Variants in WDR45B observed in about 807,000 individuals in gnomAD.
WDR45B encodes WD repeat domain phosphoinositide-interacting protein 3.
WDR45B carries 20 observed loss-of-function variants against 44.6 expected under a neutral mutation model. That is an observed-to-expected ratio of 0.45 (90% CI 0.32 to 0.65). The LOEUF is 0.65. Among genes scored for constraint, WDR45B ranks in the 30% least tolerant of loss-of-function variants. WDR45B has a pLI of 0.05. For missense variants in WDR45B, 323 were observed against 430.2 expected, an observed-to-expected ratio of 0.75 and a Z score of 2.20; for synonymous variants, 169 against 164.9, an observed-to-expected ratio of 1.02 and a Z score of -0.19.
intron 2 of WDR45B, among the ~76,000 whole-genome samples, chr17:82,636,058 G>C (rs1286094588): frequency 1.3e-5 from 2 of 151,888 alleles, no homozygotes; most frequent in Non-Finnish European, 2.9e-5. Context: ...CTGCACTCTA[G>C]CCTGGGCAAC....
Position 82,616,449 on chromosome 17 carries a change from A to C in WDR45B, c.928+75T>G, listed in dbSNP as rs1347922064. The C allele has an allele frequency of 2.5e-5, 40 of 1,608,928 alleles. No individual in the cohort carries two copies. In the South Asian group the frequency reaches 4.3e-4, roughly 17 times the overall value. The stretch of plus-strand genomic sequence containing the variant: ...GCGCGGTGCTGGGACGTCCATGGGA[A>C]GTTAGGTCTGACGCTCAGTGGATGG... On this transcript the variant is annotated intron_variant, in intron 9 of 9. Coordinates refer to ENST00000392325, the MANE Select transcript of WDR45B (RefSeq NM_019613.4).
chr17:82,618,924 C>T (rs563260949), intron 7 of WDR45B, 119 bp downstream of exon 7: 32 of 880,000 alleles, frequency 3.6e-5, no homozygotes, highest in Admixed American at 1.3e-4. Context: ...AAGCTTCTCC[C>T]TCCTCTGGCC....
At position 82,648,441 on chromosome 17, in the gene WDR45B, A is replaced by T; in HGVS notation, c.-101T>A. On this transcript the variant is annotated 5_prime_UTR_variant, in exon 1 of 10. Coordinates refer to ENST00000392325, the MANE Select transcript of WDR45B (RefSeq NM_019613.4). ...CCGGCGCTGAGGCCGCCGCGGCCGG[A>T]AGTGCCGGACGTACGTGCGTGCGTG... 7.0e-7 allele frequency: 1 copy of T among 1,431,580 alleles called. No individual in the cohort carries two copies. The highest frequency in any genetic ancestry group is 9.5e-7 in the Non-Finnish European group (1 of 1,055,988). The allele number at this position is 1,431,580 out of a possible 1,614,324, so 88.7% of individuals were successfully genotyped here. A position where few individuals can be genotyped will look rare whatever the true frequency, so the allele number is the denominator to read the frequency against.
chr17:82,620,288 G>C (rs974569507), intron 6 of WDR45B, among the ~76,000 whole-genome samples: 4 of 152,134 alleles, frequency 2.6e-5, no homozygotes, highest in African/African-American at 9.7e-5. Context: ...ACAAACATTA[G>C]CCAGGCATGG....
intron 3 of WDR45B, among the ~76,000 whole-genome samples, chr17:82,630,344 T>G (rs2143314198): frequency 9.7e-6 from 1 of 103,576 alleles, no homozygotes; most frequent in African/African-American, 3.8e-5. Flanking sequence ...TGTTCTGCCC[T>G]CCATTCCTGG....
intron 7 of WDR45B, 80 bp from the exon 8 acceptor site, chr17:82,617,477 A>T: frequency 7.4e-7 from 1 of 1,351,946 alleles, no homozygotes; most frequent in Non-Finnish European, 1.0e-6. Context: ...ACTTGTCGAC[A>T]CTGTGGAACA....
chr17:82,616,797 T>C, intron 8 of WDR45B, 152 bp from the exon 9 acceptor site: 1 of 1,008,022 alleles, frequency 9.9e-7, no homozygotes, highest in East Asian at 2.6e-5. Context: ...TGACAAAGCC[T>C]GTTGTACAAT....
intron 7 of WDR45B, among the ~76,000 whole-genome samples, chr17:82,618,603 G>A (rs1262749485): frequency 6.6e-6 from 1 of 152,174 alleles, no homozygotes; most frequent in Admixed American, 6.5e-5. Context: ...CGGGCGTGGT[G>A]GTGCACAACT....
At position 82,615,634 on chromosome 17, in the gene WDR45B, G is replaced by A. The variant is rs866239700; in HGVS notation, c.*285C>T. 66 of 480,118 alleles carry A rather than the reference G, an allele frequency of 1.4e-4. No homozygotes were observed. The Middle Eastern group carries it at 1.8e-3, about 13-fold the overall frequency. The allele number at this position is 480,118 out of a possible 1,614,324, so 29.7% of individuals were successfully genotyped here. A position where few individuals can be genotyped will look rare whatever the true frequency, so the allele number is the denominator to read the frequency against. ...GCCCCCGTCAGTGTGAGGATGCGGC[G>A]GAGCCACTGAAGCTAACGTCACAGC... On this transcript the variant is annotated 3_prime_UTR_variant, in exon 10 of 10. Transcript: ENST00000392325.
rs1338459101 is a variant in WDR45B at position 82,630,996 on chromosome 17, C to A, written c.169G>T (p.Val57Phe). ...QEFLEGGVGH[V>F]EMLFRCNYLA... Reference sequence around the variant, plus strand: ...TAGTTGCAGCGAAATAACATTTCAACATGGCCAACTCCTCCTTCTAGAAAT... The same window carrying A: ...TAGTTGCAGCGAAATAACATTTCAAAATGGCCAACTCCTCCTTCTAGAAAT... The change falls in exon 3 of 10, where the codon GTT becomes TTT. Residue 57 changes from valine (V) to phenylalanine (F), a missense_variant. Transcript: ENST00000392325. 2 of 1,613,818 alleles carry A rather than the reference C, an allele frequency of 1.2e-6. No homozygotes were observed. The highest frequency in any genetic ancestry group is 2.7e-5 in the African/African-American group (2 of 74,912).
chr17:82,619,001 C>T, intron 7 of WDR45B, 42 bp downstream of exon 7: 1 of 1,596,196 alleles, frequency 6.3e-7, no homozygotes. Context: ...TCCGTGCTGT[C>T]AGCCCGAAGT....
chr17:82,632,013 T>C (rs145814815), intron 2 of WDR45B, among the ~76,000 whole-genome samples: 3,671 of 151,744 alleles, frequency 0.024, 163 homozygotes, highest in African/African-American at 0.082. Flanking sequence ...CCCCGGAGGC[T>C]GAGGCTGCAG....
intron 3 of WDR45B, among the ~76,000 whole-genome samples, chr17:82,629,208 C>A (rs559450459): frequency 1.2e-3 from 179 of 152,322 alleles, no homozygotes; most frequent in African/African-American, 4.2e-3. Flanking sequence ...CACCTGGGGT[C>A]CCCCAGCAGT....
chr17:82,630,136 G>A (rs764228317), intron 3 of WDR45B, among the ~76,000 whole-genome samples: 4 of 152,084 alleles, frequency 2.6e-5, no homozygotes, highest in Non-Finnish European at 5.9e-5. Flanking sequence ...CCCCATAAAC[G>A]GGGGCTTCCC....
chr17:82,642,776 G>A (rs910427364), intron 2 of WDR45B, among the ~76,000 whole-genome samples: 5 of 152,142 alleles, frequency 3.3e-5, no homozygotes, highest in East Asian at 1.9e-4. Flanking sequence ...GACAACTGTC[G>A]TGCTGTTAAG....
rs74344409 is a variant in WDR45B at position 82,627,027 on chromosome 17, C to T, written c.332+177G>A. 5,505 of 670,122 alleles carry T rather than the reference C, an allele frequency of 8.2e-3. 216 individuals carry two copies. In the African/African-American group the frequency reaches 0.088, roughly 11 times the overall value. 41.5% of individuals were successfully genotyped at this position (670,122 alleles called of 1,614,324 possible). On this transcript the variant is annotated intron_variant, in intron 4 of 9. Coordinates refer to ENST00000392325, the MANE Select transcript of WDR45B (RefSeq NM_019613.4). ...CGGAGCCCTGGAAACAAACACAATT[C>T]GCTGCCTTTCTTGCAGCAATATAAA...
intron 2 of WDR45B, among the ~76,000 whole-genome samples, chr17:82,643,206 G>T (rs554877656): frequency 6.3e-4 from 96 of 152,292 alleles, no homozygotes; most frequent in African/African-American, 2.2e-3. Context: ...AGGCCGAGGT[G>T]CATGGATCAT....
In WDR45B at chr17:82,648,049, G is replaced by A. The variant is rs555498985; in HGVS notation, c.67+225C>T. Among the ~76,000 whole-genome samples the A allele has an allele frequency of 6.1e-5, 9 of 148,550 alleles. No individual in the cohort carries two copies. The South Asian group carries it at 9.7e-4, about 16-fold the overall frequency. ...ACCCGGGGGGTGGGGGAGCGCGAAA[G>A]GCCAGGAAGGTGGGAGCCGGTTCGG... On this transcript the variant is annotated intron_variant, in intron 1 of 9. Coordinates refer to ENST00000392325, the MANE Select transcript of WDR45B (RefSeq NM_019613.4).
intron 2 of WDR45B, among the ~76,000 whole-genome samples, chr17:82,640,310 G>A (rs1214194474): frequency 6.6e-6 from 1 of 151,780 alleles, no homozygotes; most frequent in Non-Finnish European, 1.5e-5. Flanking sequence ...AATTAAAAAG[G>A]AACAAGGGCA....
Sources: gnomAD v4.1 joint callset for allele counts (sites outside exome capture counted in the v4.1 genomes callset) on GRCh38, gnomAD v4.1.1 for gene constraint, MANE v1.5 for transcripts, NCBI Gene and HGNC (gene_info 2026-07-23, HGNC 2026-07-21) for gene names.